The following NDUFAF1 variants were observed in gnomAD, a reference collection of about 807,000 sequenced individuals.
NDUFAF1 encodes the protein complex I intermediate-associated protein 30, mitochondrial.
In NDUFAF1, 18 loss-of-function variants were observed where a neutral mutation model predicts 28.7. That is an observed-to-expected ratio of 0.63 (90% CI 0.43 to 0.93). The LOEUF (loss-of-function observed/expected upper bound fraction) is 0.93, where lower values mean the gene tolerates loss of function less well. Ranked by LOEUF, NDUFAF1 falls within the 40% of genes least tolerant of loss-of-function variation. NDUFAF1 has a pLI of 0.00. For missense variants in NDUFAF1, 404 were observed against 398.3 expected (o/e 1.01, Z -0.12); for synonymous variants, 113 against 139.7 (o/e 0.81, Z 1.35).
chr15:41,396,751 A>T lies in NDUFAF1; in HGVS notation c.309T>A (p.Asp103Glu). The change falls in exon 2 of 5, where the codon GAT (aspartate) becomes GAA (glutamate). Residue 103 changes from aspartate (D) to glutamate (E), a missense_variant. Physicochemically the swap from Asp to Glu is conservative, Grantham distance 45 (BLOSUM62 2). Coordinates refer to ENST00000260361, the MANE Select transcript of NDUFAF1 (RefSeq NM_016013.4). ...HFRLLKDEIVDHWRGPEGHPL... is the reference protein window; with the variant it reads ...HFRLLKDEIVEHWRGPEGHPL... The stretch of plus-strand genomic sequence containing the variant: ...GGTGGCCTTCCGGTCCTCTCCAATG[A>T]TCCACAATTTCATCCTTCAAAAGCC... The T allele has an allele frequency of 6.2e-7, 1 of 1,614,138 alleles. No individual in the cohort carries two copies. The highest frequency in any genetic ancestry group is 1.3e-5 in the African/African-American group (1 of 75,022).
At position 41,387,395 on chromosome 15, in the gene NDUFAF1, G is replaced by A; in HGVS notation, c.*49C>T. On this transcript the variant is annotated 3_prime_UTR_variant, in exon 5 of 5. Coordinates refer to ENST00000260361, the MANE Select transcript of NDUFAF1 (RefSeq NM_016013.4). ...AATATTTTATTTTGTCTATATCATT[G>A]TAGATGCTAGTACCCTTAGATTAGT... 1 of 1,511,598 alleles carries A rather than the reference G, an allele frequency of 6.6e-7. No individual in the cohort carries two copies. The highest frequency in any genetic ancestry group is 9.2e-7 in the Non-Finnish European group (1 of 1,092,746). 93.6% of individuals were successfully genotyped at this position (1,511,598 alleles called of 1,614,324 possible).
At chr15:41,395,640 G>A (rs1204850686) in intron 2 of NDUFAF1, among the ~76,000 whole-genome samples, 2 of 148,842 alleles carry the variant, frequency 1.3e-5, no homozygotes, top group Admixed American at 6.7e-5. Flanking sequence ...AAAGTGTGGG[G>A]ATTACAGGCA....
chr15:41,390,979 A>C (rs1174378345), intron 3 of NDUFAF1, among the ~76,000 whole-genome samples: 1 of 152,060 alleles, frequency 6.6e-6, no homozygotes, highest in Admixed American at 6.6e-5. Flanking sequence ...CAGTGAGCCG[A>C]GATCCCGCCA....
At chr15:41,397,853 C>T (rs2050411887) in intron 1 of NDUFAF1, among the ~76,000 whole-genome samples, 2 of 149,954 alleles carry the variant, frequency 1.3e-5, no homozygotes, top group African/African-American at 2.5e-5. Flanking sequence ...GGTGAAACCC[C>T]GTCTCTACTA....
In NDUFAF1 at chr15:41,402,246, C is replaced by T. The variant is rs2050473221; in HGVS notation, c.-184G>A. ...TATAGAGACGAAGAAACTGACGTTC[C>T]AAGGCTAATTTACCCGAGGTCACAC... On this transcript the variant is annotated 5_prime_UTR_variant, in exon 1 of 5. Coordinates refer to ENST00000260361, the MANE Select transcript of NDUFAF1 (RefSeq NM_016013.4). 1 of 453,972 alleles carries T rather than the reference C, an allele frequency of 2.2e-6. No individual in the cohort carries two copies. Among genetic ancestry groups the T allele is most frequent in the South Asian group, 1.6e-5 (1 of 64,482 alleles). The allele number at this position is 453,972 out of a possible 1,614,324, so 28.1% of individuals were successfully genotyped here. A position where few individuals can be genotyped will look rare whatever the true frequency, so the allele number is the denominator to read the frequency against.
chr15:41,392,576 AAGG>A lies in NDUFAF1; in HGVS notation c.759+2280_759+2282del, dbSNP rs553836460. On this transcript the variant is annotated intron_variant, in intron 3 of 4. Transcript: ENST00000260361. ...TTCTCACAAGATCTGATGGTTTTAT[AAGG>A]AGATTACCCCTTCATTCGGCTCTCA... Among the ~76,000 whole-genome samples the A allele has an allele frequency of 2.7e-3, 407 of 152,182 alleles. 2 individuals are homozygous for A. The highest frequency in any genetic ancestry group is 6.4e-3 in the South Asian group (31 of 4,818).
upstream of NDUFAF1, chr15:41,402,505 C>CTGCT (rs1415088661): frequency 2.4e-5 from 8 of 329,114 alleles, no homozygotes; most frequent in Non-Finnish European, 4.9e-5. Context: ...ATAGGTCCAT[C>CTGCT]TGCTTTTCCC....
intron 2 of NDUFAF1, among the ~76,000 whole-genome samples, chr15:41,395,265 G>A (rs1049358793): frequency 1.3e-5 from 2 of 152,150 alleles, no homozygotes; most frequent in Non-Finnish European, 2.9e-5. Flanking sequence ...GCCCAGGACA[G>A]TGTTTACATG....
At chr15:41,399,682 G>A (rs1423568643) in intron 1 of NDUFAF1, among the ~76,000 whole-genome samples, 1 of 150,378 alleles carries the variant, frequency 6.6e-6, no homozygotes, top group Non-Finnish European at 1.5e-5. Context: ...GTGAAACCCC[G>A]TCTCTACTAA....
At chr15:41,400,688 A>ATTTTTTTTTTTT (rs58010983) in intron 1 of NDUFAF1, among the ~76,000 whole-genome samples, 236 of 97,812 alleles carry the variant, frequency 2.4e-3, no homozygotes, top group African/African-American at 6.6e-3. Context: ...ATGCCCAGCT[A>ATTTTTTTTTTTT]TTTTTTTTTT....
At chr15:41,388,753 C>T (rs921813065) in intron 3 of NDUFAF1, among the ~76,000 whole-genome samples, 1 of 150,748 alleles carries the variant, frequency 6.6e-6, no homozygotes, top group Admixed American at 6.6e-5. Flanking sequence ...ATCCTAAACA[C>T]AGCTTTTTTT....
Position 41,393,291 on chromosome 15 carries a change from ATTTTTTTTTTTTTTTT to A in NDUFAF1, c.759+1552_759+1567del, listed in dbSNP as rs911259285. ...AGGCACACACCACCATGCCCGGCTAATTTTTTTTTTTTTTTTTTTTTTTTTGAGACGAAGTCTCCCG... is the reference window on the plus strand; with the variant it reads ...AGGCACACACCACCATGCCCGGCTAATTTTTTTTTGAGACGAAGTCTCCCG... On this transcript the variant is annotated intron_variant, in intron 3 of 4. Transcript: ENST00000260361. Among the ~76,000 whole-genome samples, 35 of 93,662 alleles carry A rather than the reference ATTTTTTTTTTTTTTTT, an allele frequency of 3.7e-4. No individual in the cohort carries two copies. The East Asian group carries it at 6.9e-3, about 19-fold the overall frequency. The allele number at this position is 93,662 out of a possible 152,430, so 61.4% of individuals were successfully genotyped here.
chr15:41,402,438 G>A lies in NDUFAF1; in HGVS notation c.-376C>T, dbSNP rs1418128756. 3 of 431,838 alleles carry A rather than the reference G, an allele frequency of 6.9e-6. No homozygotes were observed. The highest frequency in any genetic ancestry group is 3.2e-5 in the South Asian group (2 of 62,768). 26.8% of individuals were successfully genotyped at this position (431,838 alleles called of 1,614,324 possible). ...GGGACACACCAACCGCCGGCCTGCCGCCGCTTACCTCCCCGAGCCTATAGT... is the reference window on the plus strand; with the variant it reads ...GGGACACACCAACCGCCGGCCTGCCACCGCTTACCTCCCCGAGCCTATAGT... On this transcript the variant is annotated 5_prime_UTR_variant, in exon 1 of 5. Transcript: ENST00000260361.
intron 1 of NDUFAF1, among the ~76,000 whole-genome samples, chr15:41,399,690 TA>T (rs1194766321): frequency 2.0e-5 from 3 of 148,710 alleles, no homozygotes; most frequent in Non-Finnish European, 3.0e-5. Flanking sequence ...CCGTCTCTAC[TA>T]AAAAAATACA....
Position 41,395,022 on chromosome 15 carries a change from G to C in NDUFAF1, c.596C>G (p.Ser199Cys). 1 of 1,614,082 alleles carries C rather than the reference G, an allele frequency of 6.2e-7. No homozygotes were observed. The highest frequency in any genetic ancestry group is 8.5e-7 in the Non-Finnish European group (1 of 1,180,016). ...IPRGAFERKM[S>C]YDWSQFNTLY... ...AGTATTGAACTGGGACCAATCGTAAGACATCTTCCTCTCAAAAGCACCCTA... is the reference window on the plus strand; with the variant it reads ...AGTATTGAACTGGGACCAATCGTAACACATCTTCCTCTCAAAAGCACCCTA... The change falls in exon 3 of 5, where the codon TCT (serine) becomes TGT (cysteine). Residue 199 changes from serine (S) to cysteine (C), a missense_variant. Ser to Cys is a moderately radical substitution (Grantham distance 112, BLOSUM62 -1). Coordinates refer to ENST00000260361, the MANE Select transcript of NDUFAF1 (RefSeq NM_016013.4).
At chr15:41,401,356 C>G (rs1193670659) in intron 1 of NDUFAF1, among the ~76,000 whole-genome samples, 1 of 150,274 alleles carries the variant, frequency 6.7e-6, no homozygotes, top group Non-Finnish European at 1.5e-5. Context: ...CTGCAACCTC[C>G]GCCTCCCGGG....
intron 4 of NDUFAF1, 91 bp downstream of exon 4, chr15:41,388,357 T>A (rs1221670835): frequency 1.9e-6 from 2 of 1,042,852 alleles, no homozygotes; most frequent in Admixed American, 3.8e-5. Context: ...AATATTCATC[T>A]GCCAGCCTTC....
At chr15:41,401,782 C>A (rs1012458884) in intron 1 of NDUFAF1, among the ~76,000 whole-genome samples, 1 of 152,120 alleles carries the variant, frequency 6.6e-6, no homozygotes, top group African/African-American at 2.4e-5. Flanking sequence ...TATGTTTTCA[C>A]ATGTATTATA....
intron 1 of NDUFAF1, among the ~76,000 whole-genome samples, chr15:41,399,655 C>A (rs529721423): frequency 6.6e-5 from 10 of 151,060 alleles, no homozygotes; most frequent in Non-Finnish European, 1.3e-4. Context: ...GAGATCGAGA[C>A]CATCCCGGCT....
Sources: gnomAD v4.1 joint callset for allele counts (sites outside exome capture counted in the v4.1 genomes callset) on GRCh38, gnomAD v4.1.1 for gene constraint, MANE v1.5 for transcripts, NCBI Gene and HGNC (gene_info 2026-07-23, HGNC 2026-07-21) for gene names.